TMED3: variants seen among roughly 807,000 people sequenced by gnomAD.
TMED3 encodes the protein transmembrane emp24 domain-containing protein 3.
A neutral mutation model predicts 15.0 loss-of-function variants in TMED3; 9 were observed. That is an observed-to-expected ratio of 0.60 (90% CI 0.36 to 1.04). The LOEUF is 1.04. TMED3 is among the 50% of genes least tolerant of loss of function. The pLI, the probability that TMED3 is intolerant of heterozygous loss-of-function variation, is 0.01. For synonymous variants in TMED3, 117 were observed against 121.4 expected, an observed-to-expected ratio of 0.96 and a Z score of 0.24; for missense variants, 267 against 278.9, an observed-to-expected ratio of 0.96 and a Z score of 0.30.
chr15:79,413,352 T>G (rs1202496370), exon 3 of TMED3: 2 of 152,248 alleles, frequency 1.3e-5, no homozygotes, highest in Admixed American at 1.3e-4. Context: ...AGCTCTGTGA[T>G]CCACCCAATT....
intron 2 of TMED3, chr15:79,383,103 C>G: frequency 7.3e-7 from 1 of 1,376,650 alleles, no homozygotes; most frequent in Non-Finnish European, 1.0e-6. Flanking sequence ...CTGTAGATCG[C>G]CAGGTACCCA....
Position 79,311,128 on chromosome 15 carries a change from A to T in TMED3, c.-122A>T. On this transcript the variant is annotated 5_prime_UTR_variant, in exon 1 of 3. Coordinates refer to ENST00000299705, the MANE Select transcript of TMED3 (RefSeq NM_007364.4). ...GCCGCCGGCCCTCCCGGAAGCGCAG[A>T]GCTCCGCTGGTGCCACGTCTATCCC... 1 of 1,127,992 alleles carries T rather than the reference A, an allele frequency of 8.9e-7. No individual in the cohort carries two copies. The highest frequency in any genetic ancestry group is 1.2e-6 in the Non-Finnish European group (1 of 839,434). The allele number at this position is 1,127,992 out of a possible 1,614,324, so 69.9% of individuals were successfully genotyped here. A position where few individuals can be genotyped will look rare whatever the true frequency, so the allele number is the denominator to read the frequency against.
At chr15:79,326,465 A>G (rs1352193216), downstream of TMED3, among the ~76,000 whole-genome samples, 5 of 152,350 alleles carry the variant, frequency 3.3e-5, no homozygotes, top group East Asian at 5.8e-4. Flanking sequence ...CTCTGGTTCT[A>G]TAAGGACTCA....
At chr15:79,405,561 G>A (rs1893892672) in intron 2 of TMED3, among the ~76,000 whole-genome samples, 1 of 152,228 alleles carries the variant, frequency 6.6e-6, no homozygotes, top group South Asian at 2.1e-4. Flanking sequence ...ATTGCAGGGT[G>A]CAGCAACCAA....
intron 2 of TMED3, among the ~76,000 whole-genome samples, chr15:79,339,333 C>T (rs180704657): frequency 8.5e-4 from 129 of 152,256 alleles, no homozygotes; most frequent in African/African-American, 2.8e-3. Flanking sequence ...GGGCCTCTAC[C>T]GGTCTCTGCA....
chr15:79,408,388 G>A (rs1338608766), intron 2 of TMED3, among the ~76,000 whole-genome samples: 1 of 152,222 alleles, frequency 6.6e-6, no homozygotes, highest in Non-Finnish European at 1.5e-5. Context: ...TCTATGATCT[G>A]AGTGCTGAGT....
chr15:79,341,864 G>A (rs779071064), intron 2 of TMED3, among the ~76,000 whole-genome samples: 5 of 152,170 alleles, frequency 3.3e-5, no homozygotes, highest in Admixed American at 6.5e-5. Context: ...AGGAGGAGGC[G>A]CTTACTGGGT....
intron 2 of TMED3, among the ~76,000 whole-genome samples, chr15:79,392,161 G>GT (rs1893705196): frequency 6.6e-6 from 1 of 151,880 alleles, no homozygotes; most frequent in East Asian, 1.9e-4. Context: ...TTTTTGTTTT[G>GT]TTTTTGCTTT....
chr15:79,331,020 G>A (rs2058806243), intron 2 of TMED3, among the ~76,000 whole-genome samples: 1 of 152,174 alleles, frequency 6.6e-6, no homozygotes, highest in African/African-American at 2.4e-5. Flanking sequence ...TTCTGGGGAG[G>A]CCTAAGGGAG....
chr15:79,386,477 T>C (rs1394579276), intron 2 of TMED3, among the ~76,000 whole-genome samples: 1 of 152,194 alleles, frequency 6.6e-6, no homozygotes, highest in Non-Finnish European at 1.5e-5. Context: ...TTTGACTATA[T>C]GTCCTCCTGC....
At chr15:79,326,072 A>G (rs1434831666), downstream of TMED3, among the ~76,000 whole-genome samples, 6 of 152,220 alleles carry the variant, frequency 3.9e-5, no homozygotes, top group African/African-American at 1.2e-4. Flanking sequence ...GACACCTCAT[A>G]TTAACCATCA....
intron 2 of TMED3, among the ~76,000 whole-genome samples, chr15:79,352,674 A>T (rs1157213023): frequency 1.6e-5 from 1 of 61,452 alleles, no homozygotes; most frequent in Non-Finnish European, 3.1e-5. Context: ...GAAAAAAAAA[A>T]TATATATATA....
At chr15:79,373,776 T>A (rs1893382238) in intron 2 of TMED3, among the ~76,000 whole-genome samples, 1 of 152,150 alleles carries the variant, frequency 6.6e-6, no homozygotes, top group Non-Finnish European at 1.5e-5. Context: ...CATCAATCAA[T>A]ACATGTAAGG....
At chr15:79,402,122 C>T (rs745394424) in intron 2 of TMED3, among the ~76,000 whole-genome samples, 3 of 152,172 alleles carry the variant, frequency 2.0e-5, no homozygotes, top group Non-Finnish European at 2.9e-5. Context: ...GAAGGAAAAG[C>T]TGATCAAGAA....
At chr15:79,376,092 GTTTTTTTTTTTTTTTTTTTTT>G (rs199728545) in intron 2 of TMED3, among the ~76,000 whole-genome samples, 58 of 112,086 alleles carry the variant, frequency 5.2e-4, no homozygotes, top group African/African-American at 2.0e-3. Flanking sequence ...CTAGAGAAAG[GTTTTTTTTTTTTTTTTTTTTT>G]TTTTTTTTTT....
intron 2 of TMED3, among the ~76,000 whole-genome samples, chr15:79,355,197 A>AC (rs971504488): frequency 4.6e-5 from 7 of 152,136 alleles, no homozygotes; most frequent in Non-Finnish European, 7.3e-5. Flanking sequence ...TGTGTACTAG[A>AC]CCAGGAAGTC....
intron 2 of TMED3, among the ~76,000 whole-genome samples, chr15:79,410,813 A>G (rs1210242243): frequency 6.6e-6 from 1 of 152,178 alleles, no homozygotes; most frequent in African/African-American, 2.4e-5. Flanking sequence ...AATGATTTGC[A>G]AGTGCTTCAA....
intron 2 of TMED3, among the ~76,000 whole-genome samples, chr15:79,355,938 G>T (rs139250354): frequency 6.6e-6 from 1 of 152,294 alleles, no homozygotes; most frequent in African/African-American, 2.4e-5. Context: ...TAAGTGGGAG[G>T]TTTAATTTTA....
chr15:79,348,882 A>T (rs2058880794), intron 2 of TMED3, among the ~76,000 whole-genome samples: 1 of 152,164 alleles, frequency 6.6e-6, no homozygotes, highest in South Asian at 2.1e-4. Context: ...GCCCAGCTGG[A>T]GTACAGTGGT....
Sources: gnomAD v4.1 joint callset for allele counts (sites outside exome capture counted in the v4.1 genomes callset) on GRCh38, gnomAD v4.1.1 for gene constraint, MANE v1.5 for transcripts, NCBI Gene and HGNC (gene_info 2026-07-23, HGNC 2026-07-21) for gene names.